PTPRF: variants seen among roughly 807,000 people sequenced by gnomAD.
PTPRF encodes the protein protein tyrosine phosphatase receptor type F, also known as receptor-type tyrosine-protein phosphatase F.
In PTPRF, 59 loss-of-function variants were observed where a neutral mutation model predicts 201.8. That is an observed-to-expected ratio of 0.29 (90% CI 0.24 to 0.36). PTPRF has a LOEUF of 0.36. Among genes scored for constraint, PTPRF ranks in the 10% least tolerant of loss-of-function variants. The pLI, the probability that PTPRF is intolerant of heterozygous loss-of-function variation, is 1.00. For missense variants in PTPRF, 2,132 were observed against 2,690.5 expected (o/e 0.79, Z 4.59); for synonymous variants, 1,088 against 1,089.7 (o/e 1.00, Z 0.03).
upstream of PTPRF, among the ~76,000 whole-genome samples, chr1:43,525,832 G>GCAACAT (rs1491516878): frequency 3.9e-5 from 4 of 102,450 alleles, no homozygotes; most frequent in East Asian, 1.3e-3. Flanking sequence ...AAAAAAAAGA[G>GCAACAT]CAACATCAGT....
intron 23 of PTPRF, among the ~76,000 whole-genome samples, chr1:43,614,498 G>A (rs2154031131): frequency 6.6e-6 from 1 of 152,274 alleles, no homozygotes; most frequent in South Asian, 2.1e-4. Context: ...GGGTGACTCT[G>A]AGCATCCCCA....
intron 20 of PTPRF, 63 bp from the exon 21 acceptor site, chr1:43,606,751 T>C: frequency 3.2e-6 from 5 of 1,580,990 alleles, no homozygotes; most frequent in Admixed American, 1.7e-5. Context: ...CCAGGATTAA[T>C]AGGCAGAGGG....
chr1:43,617,395 G>A (rs748160676), intron 23 of PTPRF, 50 bp from the exon 24 acceptor site: 1 of 1,611,000 alleles, frequency 6.2e-7, no homozygotes, highest in South Asian at 1.1e-5. Flanking sequence ...GGAGAAGCAG[G>A]TCAACCTTGG....
At chr1:43,605,768 A>G (rs917885486) in intron 19 of PTPRF, 146 bp downstream of exon 19, 52 of 778,498 alleles carry the variant, frequency 6.7e-5, no homozygotes, top group Non-Finnish European at 1.1e-4. Flanking sequence ...CCCTCTCTGG[A>G]GAGAGGGACT....
Position 43,614,923 on chromosome 1 carries a change from C to G in PTPRF, c.4071+1208C>G, listed in dbSNP as rs371941027. Reference sequence around the variant, plus strand: ...TAAAAAAGAGAGAGAGAGACCTCCTCCTCTTCCACCTCCTCCAAGCAGCAG... The same window carrying G: ...TAAAAAAGAGAGAGAGAGACCTCCTGCTCTTCCACCTCCTCCAAGCAGCAG... On this transcript the variant is annotated intron_variant, in intron 23 of 33. Transcript: ENST00000359947. Among the ~76,000 whole-genome samples the G allele has an allele frequency of 2.6e-4, 39 of 152,232 alleles. 4 individuals carry two copies. Among genetic ancestry groups the G allele is most frequent in the Admixed American group, 1.5e-3 (23 of 15,296 alleles).
chr1:43,603,312 G>T lies in PTPRF; in HGVS notation c.2341-104G>T. On this transcript the variant is annotated intron_variant, in intron 14 of 33. Coordinates refer to ENST00000359947, the MANE Select transcript of PTPRF (RefSeq NM_002840.5). The surrounding 1 kb of genome is among the most constrained non-coding windows in gnomAD (Gnocchi z 5.8). ...CCCACCTTCCACAACCCCTGGCCTT[G>T]TGTGCCCCGGGGCTCCCCTCAGGCT... The T allele has an allele frequency of 1.0e-6, 1 of 1,000,202 alleles. No homozygotes were observed. The highest frequency in any genetic ancestry group is 1.6e-6 in the Non-Finnish European group (1 of 637,006). The allele number at this position is 1,000,202 out of a possible 1,614,324, so 62.0% of individuals were successfully genotyped here. A position where few individuals can be genotyped will look rare whatever the true frequency, so the allele number is the denominator to read the frequency against.
chr1:43,537,464 T>C lies in PTPRF; in HGVS notation c.-125-734T>C, dbSNP rs1436116906. Among the ~76,000 whole-genome samples, 1 of 152,242 alleles carries C rather than the reference T, an allele frequency of 6.6e-6. No individual in the cohort carries two copies. The highest frequency in any genetic ancestry group is 2.4e-5 in the African/African-American group (1 of 41,458). On this transcript the variant is annotated intron_variant, in intron 1 of 33. Transcript: ENST00000359947. This position sits in a 1 kb window ranked among gnomAD's most constrained non-coding sequence, Gnocchi z 4.8. Reference sequence around the variant, plus strand: ...GTTCATCCACTCATTCAGTGTATGCTGACTGAGCACCTACTATGTGCCAGC... The same window carrying C: ...GTTCATCCACTCATTCAGTGTATGCCGACTGAGCACCTACTATGTGCCAGC...
intron 7 of PTPRF, among the ~76,000 whole-genome samples, chr1:43,583,960 C>T (rs1220383954): frequency 2.6e-5 from 4 of 152,280 alleles, no homozygotes; most frequent in Non-Finnish European, 4.4e-5. Flanking sequence ...AGTAACTGAA[C>T]GGTCAGCTGC....
intron 5 of PTPRF, among the ~76,000 whole-genome samples, chr1:43,565,829 A>G (rs1382084517): frequency 6.6e-6 from 1 of 152,122 alleles, no homozygotes; most frequent in African/African-American, 2.4e-5. Context: ...GCCAGGGCGG[A>G]CAGCGGACGC....
rs1425580564 is a variant in PTPRF at position 43,537,218 on chromosome 1, C to CGTGG, written c.-125-979_-125-978insTGGG. On this transcript the variant is annotated intron_variant, in intron 1 of 33. Coordinates refer to ENST00000359947, the MANE Select transcript of PTPRF (RefSeq NM_002840.5). This position sits in a 1 kb window ranked among gnomAD's most constrained non-coding sequence, Gnocchi z 4.8. ...CCACCCCCACCCAGGATGGTACCCA[C>CGTGG]GCTGGTGGGGACTCAATAATGGCTC... Among the ~76,000 whole-genome samples, 8 of 152,158 alleles carry CGTGG rather than the reference C, an allele frequency of 5.3e-5. No homozygotes were observed. Among genetic ancestry groups the CGTGG allele is most frequent in the Non-Finnish European group, 1.0e-4 (7 of 68,036 alleles).
chr1:43,617,274 A>G (rs964993207), intron 23 of PTPRF, among the ~76,000 whole-genome samples, 171 bp from the exon 24 acceptor site: 2 of 151,996 alleles, frequency 1.3e-5, no homozygotes, highest in Non-Finnish European at 2.9e-5. Flanking sequence ...CTGATAGGTG[A>G]TGTGGCAACC....
intron 5 of PTPRF, among the ~76,000 whole-genome samples, 168 bp from the exon 6 acceptor site, chr1:43,569,422 A>G (rs2842186): frequency 0.21 from 32,029 of 152,154 alleles, 4,050 homozygotes; most frequent in South Asian, 0.41. Context: ...AAAGAGACTT[A>G]GGACCCTGGT....
rs752097516 is a variant in PTPRF, at chr1:43,592,445, T to C, written c.1669-12T>C. 1.3e-6 allele frequency: 2 copies of C among 1,599,492 alleles called. No individual in the cohort carries two copies. The highest frequency in any genetic ancestry group is 1.3e-5 in the African/African-American group (1 of 74,798). Reference sequence around the variant, plus strand: ...CTCAGAGCTGTCAGTGAGTGCTCCCTGCTCTTCCCAGCACAAGGTGACCTT... The same window carrying C: ...CTCAGAGCTGTCAGTGAGTGCTCCCCGCTCTTCCCAGCACAAGGTGACCTT... On this transcript the variant is annotated splice_polypyrimidine_tract_variant and intron_variant, in intron 10 of 33. Transcript: ENST00000359947.
intron 23 of PTPRF, among the ~76,000 whole-genome samples, chr1:43,614,708 A>C (rs956244355): frequency 6.6e-6 from 1 of 152,084 alleles, no homozygotes; most frequent in Non-Finnish European, 1.5e-5. Flanking sequence ...AAAATTAGCC[A>C]GCTGTGGTGG....
chr1:43,531,597 C>A (rs879602381), intron 1 of PTPRF, among the ~76,000 whole-genome samples: 5 of 149,408 alleles, frequency 3.3e-5, no homozygotes, highest in African/African-American at 1.2e-4. Context: ...GATCCGCAGC[C>A]GGCGCGCCCG....
chr1:43,574,058 G>A (rs1049960673), intron 6 of PTPRF, among the ~76,000 whole-genome samples: 3 of 135,118 alleles, frequency 2.2e-5, no homozygotes, highest in East Asian at 2.3e-4. Flanking sequence ...GTGCAATGGC[G>A]CGATCTCGGC....
rs1238212328 is a variant in PTPRF, at chr1:43,620,819, C to T, written c.5365-19C>T. The T allele has an allele frequency of 5.6e-6, 9 of 1,602,698 alleles. No homozygotes were observed. The highest frequency in any genetic ancestry group is 4.5e-5 in the East Asian group (2 of 44,860). On this transcript the variant is annotated intron_variant, in intron 31 of 33. Transcript: ENST00000359947. ...CTAAGGCACGAATTCTAATCATGTA[C>T]CCCACCCACCTTTCCCAGGATGGGC...
intron 2 of PTPRF, among the ~76,000 whole-genome samples, chr1:43,540,508 G>T (rs1436349188): frequency 6.6e-6 from 1 of 152,190 alleles, no homozygotes; most frequent in Non-Finnish European, 1.5e-5. Flanking sequence ...CCAGAGGAAG[G>T]GGCCTGGAGG....
chr1:43,612,984 T>G (rs1426837624), intron 22 of PTPRF, among the ~76,000 whole-genome samples: 1 of 151,816 alleles, frequency 6.6e-6, no homozygotes, highest in Non-Finnish European at 1.5e-5. Flanking sequence ...TCTGCCCACC[T>G]TGCTTCCTCC....
Sources: allele counts gnomAD v4.1 joint callset (sites outside exome capture counted in the v4.1 genomes callset), GRCh38; gene constraint gnomAD v4.1.1; non-coding constraint Gnocchi (gnomAD v3.1); transcripts MANE v1.5; gene names NCBI Gene and HGNC (gene_info 2026-07-23, HGNC 2026-07-21).